CNBD1: variants seen among roughly 807,000 people sequenced by gnomAD.
The protein encoded by CNBD1 is cyclic nucleotide binding domain containing 1, also known as cyclic nucleotide-binding domain-containing protein 1.
CNBD1 carries 71 observed loss-of-function variants against 54.4 expected under a neutral mutation model. The observed-to-expected ratio is 1.30, with a 90% CI of 1.08 to 1.59. CNBD1 has a LOEUF of 1.59. Ranked by LOEUF, CNBD1 falls within the 40% of genes most tolerant of loss-of-function variation. The pLI, the probability that CNBD1 is intolerant of heterozygous loss-of-function variation, is 0.00. For missense variants in CNBD1, 659 were observed against 518.0 expected (o/e 1.27, Z -2.64); for synonymous variants, 182 against 170.7 (o/e 1.07, Z -0.51).
intron 4 of CNBD1, among the ~76,000 whole-genome samples, chr8:87,036,526 G>A (rs549241189): frequency 2.7e-5 from 4 of 147,896 alleles, no homozygotes; most frequent in Admixed American, 6.9e-5. Flanking sequence ...CCCAGGAGGC[G>A]GAGCTTGCAG....
At position 87,274,843 on chromosome 8, in the gene CNBD1, C is replaced by T. The variant is rs1448249152; in HGVS notation, c.772-9835C>T. ...GATATTTTAGACATGAAGTCCTTGC[C>T]CATGCCTATGTCCTGAATGGTAATT... On this transcript the variant is annotated intron_variant, in intron 6 of 10. Coordinates refer to ENST00000518476, the MANE Select transcript of CNBD1 (RefSeq NM_173538.3). Among the ~76,000 whole-genome samples, 5 of 134,474 alleles carry T rather than the reference C, an allele frequency of 3.7e-5. 1 individual carries two copies. The highest frequency in any genetic ancestry group is 6.4e-5 in the Non-Finnish European group (4 of 62,854). 88.2% of individuals were successfully genotyped at this position (134,474 alleles called of 152,430 possible). A position where few individuals can be genotyped will look rare whatever the true frequency, so the allele number is the denominator to read the frequency against.
intron 4 of CNBD1, among the ~76,000 whole-genome samples, chr8:87,125,128 A>G (rs1331275084): frequency 1.3e-5 from 2 of 151,746 alleles, no homozygotes; most frequent in Non-Finnish European, 3.0e-5. Flanking sequence ...CACTGACGAA[A>G]AAGTTAAAGA....
intron 2 of CNBD1, among the ~76,000 whole-genome samples, chr8:86,902,432 A>G (rs1486997538): frequency 6.6e-6 from 1 of 152,150 alleles, no homozygotes; most frequent in East Asian, 1.9e-4. Flanking sequence ...ATACATGAGA[A>G]AAATGGTCTT....
intron 8 of CNBD1, among the ~76,000 whole-genome samples, chr8:87,296,630 CAT>C (rs1437721647): frequency 1.3e-4 from 19 of 147,968 alleles, no homozygotes; most frequent in East Asian, 5.9e-4. Context: ...CATATATATA[CAT>C]ATATATGTGT....
intron 2 of CNBD1, among the ~76,000 whole-genome samples, chr8:87,391,817 A>C (rs1034809442): frequency 1.3e-5 from 2 of 152,094 alleles, no homozygotes; most frequent in African/African-American, 4.8e-5. Flanking sequence ...CCAACCAAAA[A>C]ATGAAACAAA....
intron 10 of CNBD1, among the ~76,000 whole-genome samples, chr8:87,371,317 G>T (rs1439012893): frequency 6.6e-6 from 1 of 151,952 alleles, no homozygotes; most frequent in African/African-American, 2.4e-5. Flanking sequence ...ATTACCTTGG[G>T]CAGTATGGCC....
chr8:87,042,928 A>T (rs1810103548), intron 4 of CNBD1, among the ~76,000 whole-genome samples: 1 of 152,166 alleles, frequency 6.6e-6, no homozygotes, highest in Non-Finnish European at 1.5e-5. Flanking sequence ...TTATGTACAT[A>T]TGTGCATATG....
intron 4 of CNBD1, among the ~76,000 whole-genome samples, chr8:87,041,729 G>A (rs930562624): frequency 7.8e-4 from 118 of 152,138 alleles, no homozygotes; most frequent in African/African-American, 2.7e-3. Context: ...AACCTGGGAG[G>A]CGGAGCTTGC....
chr8:86,871,756 C>T (rs1192402470), intron 1 of CNBD1, among the ~76,000 whole-genome samples: 1 of 152,182 alleles, frequency 6.6e-6, no homozygotes, highest in Non-Finnish European at 1.5e-5. Flanking sequence ...TAGGGGTTCC[C>T]CTTCTGTGGA....
chr8:87,267,176 A>G (rs1467049577), intron 6 of CNBD1, among the ~76,000 whole-genome samples: 3 of 152,194 alleles, frequency 2.0e-5, no homozygotes, highest in Non-Finnish European at 4.4e-5. Flanking sequence ...TATAATGAAA[A>G]TTACAAAATA....
At chr8:87,381,781 G>A (rs1050560034) in intron 10 of CNBD1, among the ~76,000 whole-genome samples, 1 of 151,802 alleles carries the variant, frequency 6.6e-6, no homozygotes, top group Non-Finnish European at 1.5e-5. Flanking sequence ...CCACTCATAC[G>A]AGGTATCTAA....
At chr8:87,373,542 T>G (rs1470806410) in intron 10 of CNBD1, among the ~76,000 whole-genome samples, 1 of 151,860 alleles carries the variant, frequency 6.6e-6, no homozygotes. Context: ...GTAACTTGTT[T>G]TTCAGCAAGG....
chr8:87,312,758 T>C (rs1465336123), intron 8 of CNBD1, among the ~76,000 whole-genome samples: 4 of 152,008 alleles, frequency 2.6e-5, no homozygotes, highest in Admixed American at 2.0e-4. Flanking sequence ...AAATTTCAGC[T>C]AGGAATATTC....
chr8:87,401,923 C>T (rs1169228876), intron 2 of CNBD1, among the ~76,000 whole-genome samples: 1 of 151,906 alleles, frequency 6.6e-6, no homozygotes, highest in Non-Finnish European at 1.5e-5. Flanking sequence ...TAGGAGAGGA[C>T]ATGTGACCTA....
chr8:87,217,919 G>A (rs1814248465), intron 5 of CNBD1, among the ~76,000 whole-genome samples: 1 of 152,010 alleles, frequency 6.6e-6, no homozygotes, highest in African/African-American at 2.4e-5. Context: ...TGAGATTTTT[G>A]TTTGTTTTAG....
chr8:87,205,894 A>G lies in CNBD1; in HGVS notation c.432-99A>G, dbSNP rs1156234781. The G allele has an allele frequency of 7.9e-6, 8 of 1,017,910 alleles. No homozygotes were observed. In the African/African-American group the frequency reaches 1.3e-4, roughly 17 times the overall value. 63.1% of individuals were successfully genotyped at this position (1,017,910 alleles called of 1,614,324 possible). On this transcript the variant is annotated intron_variant, in intron 4 of 10. Transcript: ENST00000518476. ...TTCTTTTTTAAAAACCCTTAACTAA[A>G]CAGAAAATACAAATTTGGAAACTTA...
chr8:87,116,869 C>T (rs758082271), intron 4 of CNBD1, among the ~76,000 whole-genome samples: 1 of 152,156 alleles, frequency 6.6e-6, no homozygotes, highest in African/African-American at 2.4e-5. Context: ...TACACACACA[C>T]TCCCCTTTAC....
chr8:87,085,404 A>G (rs900016094), intron 4 of CNBD1, among the ~76,000 whole-genome samples: 2 of 152,192 alleles, frequency 1.3e-5, no homozygotes, highest in African/African-American at 4.8e-5. Context: ...GTATATGTAT[A>G]CATATAAATA....
intron 4 of CNBD1, among the ~76,000 whole-genome samples, chr8:87,193,533 A>C (rs1436831662): frequency 2.0e-5 from 3 of 152,198 alleles, no homozygotes; most frequent in Non-Finnish European, 4.4e-5. Flanking sequence ...CAGGACATAG[A>C]GATATTTTCT....
Sources: gnomAD v4.1 joint callset for allele counts (sites outside exome capture counted in the v4.1 genomes callset) on GRCh38, gnomAD v4.1.1 for gene constraint, MANE v1.5 for transcripts, NCBI Gene and HGNC (gene_info 2026-07-23, HGNC 2026-07-21) for gene names.